DOCK1: variants seen among roughly 807,000 people sequenced by gnomAD.
DOCK1 encodes dedicator of cytokinesis 1.
In DOCK1, 138 loss-of-function variants were observed where a neutral mutation model predicts 262.7. That is an observed-to-expected ratio of 0.53 (90% CI 0.46 to 0.61). DOCK1 has a LOEUF of 0.61. Among genes scored for constraint, DOCK1 ranks in the 20% least tolerant of loss-of-function variants. The pLI, the probability that DOCK1 is intolerant of heterozygous loss-of-function variation, is 0.00. For synonymous variants in DOCK1, 866 were observed against 867.4 expected (o/e 1.00, Z 0.03); for missense variants, 1,908 against 2,370.7 (o/e 0.80, Z 4.05).
At chr10:127,241,852 C>T (rs143940491) in intron 27 of DOCK1, among the ~76,000 whole-genome samples, 11 of 152,166 alleles carry the variant, frequency 7.2e-5, no homozygotes, top group Non-Finnish European at 1.5e-4. Context: ...ATGTGGTCCT[C>T]TCCCCAGGAG....
intron 31 of DOCK1, among the ~76,000 whole-genome samples, chr10:127,349,965 A>G (rs2063806507): frequency 6.6e-6 from 1 of 151,476 alleles, no homozygotes; most frequent in Non-Finnish European, 1.5e-5. Context: ...ATCTGCAAAG[A>G]CTCTATTTCC....
At position 127,042,616 on chromosome 10, in the gene DOCK1, T is replaced by C; in HGVS notation, c.2011-9T>C. On this transcript the variant is annotated splice_polypyrimidine_tract_variant and intron_variant, in intron 19 of 51. Transcript: ENST00000623213. ...TCACATTGTCACCCGACCTTCTGTGTCTATGCAGTTTCTTCAGGACACGTT... is the reference window on the plus strand; with the variant it reads ...TCACATTGTCACCCGACCTTCTGTGCCTATGCAGTTTCTTCAGGACACGTT... 6.2e-7 allele frequency: 1 copy of C among 1,613,858 alleles called. No individual in the cohort carries two copies. The highest frequency in any genetic ancestry group is 8.5e-7 in the Non-Finnish European group (1 of 1,179,736).
intron 29 of DOCK1, among the ~76,000 whole-genome samples, chr10:127,305,195 A>G (rs12219626): frequency 0.15 from 22,852 of 151,990 alleles, 1,957 homozygotes; most frequent in East Asian, 0.24. Flanking sequence ...GTTCTTTTTC[A>G]TGGCACTAAT....
At chr10:127,013,844 G>T (rs1303791266) in intron 12 of DOCK1, 1 of 152,284 alleles carries the variant, frequency 6.6e-6, no homozygotes, top group Non-Finnish European at 1.5e-5. Context: ...GGGCACAATG[G>T]TGGGTGGAAT....
intron 44 of DOCK1, among the ~76,000 whole-genome samples, chr10:127,415,706 C>T (rs1242392755): frequency 6.6e-6 from 1 of 152,182 alleles, no homozygotes; most frequent in Non-Finnish European, 1.5e-5. Flanking sequence ...CCCTCCCTGA[C>T]CCTTTTTAAA....
At chr10:127,015,657 C>G (rs974434731) in intron 12 of DOCK1, among the ~76,000 whole-genome samples, 1 of 152,162 alleles carries the variant, frequency 6.6e-6, no homozygotes, top group African/African-American at 2.4e-5. Flanking sequence ...CCCAACTCCC[C>G]GTGGTTCTGC....
rs759165543 is a variant in DOCK1 at position 127,012,230 on chromosome 10, A to T, written c.1059-2A>T. 4.4e-5 allele frequency: 68 copies of T among 1,549,616 alleles called. No homozygotes were observed. The highest frequency in any genetic ancestry group is 5.4e-5 in the Non-Finnish European group (61 of 1,121,740). ...TGGTCTTGGTCGTCCCGTGCCCTCC[A>T]GGCTCGCGTTGGACGACGCCATTCG... On this transcript the variant is annotated splice_acceptor_variant, in intron 11 of 51. Coordinates refer to ENST00000623213, the MANE Select transcript of DOCK1 (RefSeq NM_001290223.2). LOFTEE classifies it high-confidence loss of function. The surrounding 1 kb of genome is among the most constrained non-coding windows in gnomAD (Gnocchi z 4.0).
At chr10:127,192,128 CA>C (rs1437239682) in intron 27 of DOCK1, among the ~76,000 whole-genome samples, 3 of 152,132 alleles carry the variant, frequency 2.0e-5, no homozygotes, top group Admixed American at 1.3e-4. Flanking sequence ...GTATGCTGTG[CA>C]GAGATGTAAG....
intron 27 of DOCK1, among the ~76,000 whole-genome samples, chr10:127,238,151 T>C (rs2059138470): frequency 6.6e-6 from 1 of 152,208 alleles, no homozygotes; most frequent in Non-Finnish European, 1.5e-5. Context: ...CCGAATAGAA[T>C]GTAAGATCTC....
chr10:127,012,766 A>G lies in DOCK1; in HGVS notation c.1201+392A>G, dbSNP rs1011971782. On this transcript the variant is annotated intron_variant, in intron 12 of 51. Coordinates refer to ENST00000623213, the MANE Select transcript of DOCK1 (RefSeq NM_001290223.2). The surrounding 1 kb of genome is among the most constrained non-coding windows in gnomAD (Gnocchi z 4.0). The stretch of plus-strand genomic sequence containing the variant: ...TTGCTCCCCTGAGTTCTGTCATTTA[A>G]GTGATTTCTCCGCCCCTACACTCCG... Among the ~76,000 whole-genome samples, 3 of 151,776 alleles carry G rather than the reference A, an allele frequency of 2.0e-5. No homozygotes were observed. Among genetic ancestry groups the G allele is most frequent in the South Asian group, 2.1e-4 (1 of 4,782 alleles).
chr10:127,258,321 C>G (rs539134469), intron 29 of DOCK1, among the ~76,000 whole-genome samples: 1 of 152,180 alleles, frequency 6.6e-6, no homozygotes, highest in Non-Finnish European at 1.5e-5. Context: ...TCCGTAAGCT[C>G]TCTCGACCAC....
chr10:127,260,408 G>C (rs994835932), intron 29 of DOCK1, among the ~76,000 whole-genome samples: 1 of 152,200 alleles, frequency 6.6e-6, no homozygotes, highest in African/African-American at 2.4e-5. Flanking sequence ...CTGGAAAGAC[G>C]TCTTGACAAG....
chr10:127,165,914 C>T (rs762935788), intron 27 of DOCK1, among the ~76,000 whole-genome samples: 37 of 152,264 alleles, frequency 2.4e-4, no homozygotes, highest in Admixed American at 5.2e-4. Flanking sequence ...TCTCTAGCAC[C>T]GGAAAGATGC....
At chr10:127,305,626 G>C in intron 29 of DOCK1, among the ~76,000 whole-genome samples, 1 of 152,190 alleles carries the variant, frequency 6.6e-6, no homozygotes, top group Non-Finnish European at 1.5e-5. Context: ...GAGACCAGCA[G>C]GGAGGAACAG....
intron 1 of DOCK1, among the ~76,000 whole-genome samples, chr10:126,939,261 C>T (rs1307959187): frequency 6.6e-6 from 1 of 152,134 alleles, no homozygotes; most frequent in Non-Finnish European, 1.5e-5. Flanking sequence ...CTCAAAGTCC[C>T]ACCATTTAAA....
chr10:126,942,334 A>G (rs2035080291), intron 1 of DOCK1, among the ~76,000 whole-genome samples: 1 of 151,864 alleles, frequency 6.6e-6, no homozygotes, highest in South Asian at 2.1e-4. Context: ...ATATTTGCTC[A>G]TTTTCTGAGT....
chr10:126,932,959 C>T (rs1391230924), intron 1 of DOCK1, among the ~76,000 whole-genome samples: 1 of 152,026 alleles, frequency 6.6e-6, no homozygotes, highest in African/African-American at 2.4e-5. Flanking sequence ...GTCCTTCAGT[C>T]CTTTTTCCAT....
intron 27 of DOCK1, among the ~76,000 whole-genome samples, chr10:127,180,852 T>A (rs1454648570): frequency 6.6e-6 from 1 of 152,232 alleles, no homozygotes; most frequent in Non-Finnish European, 1.5e-5. Flanking sequence ...CAGATTATAC[T>A]GGAAAAAAAT....
chr10:127,197,244 C>T lies in DOCK1; in HGVS notation c.2848-50764C>T, dbSNP rs1309100338. 2.6e-5 allele frequency among the ~76,000 whole-genome samples: 4 copies of T among 152,222 alleles called. No individual in the cohort carries two copies. The South Asian group carries it at 8.3e-4, about 32-fold the overall frequency. On this transcript the variant is annotated intron_variant, in intron 27 of 51. Transcript: ENST00000623213. ...CTGCCACTCCTAGCCAGGAACCCTACCCCCCATCCAGAGCACACACCACCC... is the reference window on the plus strand; with the variant it reads ...CTGCCACTCCTAGCCAGGAACCCTATCCCCCATCCAGAGCACACACCACCC...
Sources: allele counts gnomAD v4.1 joint callset (sites outside exome capture counted in the v4.1 genomes callset), GRCh38; gene constraint gnomAD v4.1.1; non-coding constraint Gnocchi (gnomAD v3.1); transcripts MANE v1.5; gene names NCBI Gene and HGNC (gene_info 2026-07-23, HGNC 2026-07-21).